Variants in GABRG3 observed in about 807,000 individuals in gnomAD.
The protein encoded by GABRG3 is gamma-aminobutyric acid receptor subunit gamma-3.
In GABRG3, 25 loss-of-function variants were observed where a neutral mutation model predicts 48.8. That is an observed-to-expected ratio of 0.51 (90% CI 0.37 to 0.72). The LOEUF is 0.72. GABRG3 is among the 30% of genes least tolerant of loss of function. GABRG3 has a pLI of 0.00. For missense variants in GABRG3, 394 were observed against 577.9 expected, an observed-to-expected ratio of 0.68 and a Z score of 3.26; for synonymous variants, 227 against 217.6, an observed-to-expected ratio of 1.04 and a Z score of -0.38.
chr15:27,289,487 A>C (rs1213888199), intron 3 of GABRG3, among the ~76,000 whole-genome samples: 1 of 152,230 alleles, frequency 6.6e-6, no homozygotes, highest in East Asian at 1.9e-4. Flanking sequence ...CAAATGAAAC[A>C]ATCTCAGTGA....
chr15:27,286,088 T>C (rs1182081066), intron 3 of GABRG3, among the ~76,000 whole-genome samples: 2 of 152,240 alleles, frequency 1.3e-5, no homozygotes, highest in African/African-American at 4.8e-5. Flanking sequence ...TTATACTTTA[T>C]ACACCAGGCA....
chr15:27,460,280 T>G (rs1481348369), intron 5 of GABRG3, among the ~76,000 whole-genome samples: 1 of 152,196 alleles, frequency 6.6e-6, no homozygotes, highest in Non-Finnish European at 1.5e-5. Context: ...GAGTAAAAAC[T>G]TTCCACTCCT....
At chr15:27,414,562 CA>C (rs1887888811) in intron 5 of GABRG3, among the ~76,000 whole-genome samples, 1 of 152,140 alleles carries the variant, frequency 6.6e-6, no homozygotes, top group African/African-American at 2.4e-5. Flanking sequence ...AAAGGAAATC[CA>C]GGGACTAGGG....
chr15:27,403,941 A>AT (rs1264997845), intron 5 of GABRG3, among the ~76,000 whole-genome samples: 3 of 117,118 alleles, frequency 2.6e-5, no homozygotes, highest in Non-Finnish European at 5.3e-5. Flanking sequence ...AAAAAAAAAA[A>AT]CCGGGCTTGG....
chr15:27,256,268 C>A (rs1470866796), intron 3 of GABRG3, among the ~76,000 whole-genome samples: 9 of 151,718 alleles, frequency 5.9e-5, no homozygotes, highest in Admixed American at 5.9e-4. Context: ...TGGTGAAACC[C>A]GTCTCTACTA....
At position 26,989,816 on chromosome 15, in the gene GABRG3, A is replaced by T. The variant is rs553558910; in HGVS notation, c.202+12666A>T. ...CCCAGCCTCTGATAACCATCCTTCT[A>T]GTCTCTATGTCCATGACTTCAATTG... On this transcript the variant is annotated intron_variant, in intron 2 of 9. Coordinates refer to ENST00000615808, the MANE Select transcript of GABRG3 (RefSeq NM_033223.5). Among the ~76,000 whole-genome samples the T allele has an allele frequency of 2.0e-4, 30 of 152,032 alleles. No individual in the cohort carries two copies. The South Asian group carries it at 5.8e-3, about 29-fold the overall frequency.
intron 3 of GABRG3, among the ~76,000 whole-genome samples, chr15:27,191,289 C>G (rs1888293108): frequency 6.6e-6 from 1 of 152,136 alleles, no homozygotes. Flanking sequence ...TGTTGACTTT[C>G]TGTCTCATTG....
Position 27,489,035 on chromosome 15 carries a change from C to T in GABRG3, c.712+8248C>T, listed in dbSNP as rs149090714. 5.2e-3 allele frequency among the ~76,000 whole-genome samples: 788 copies of T among 151,956 alleles called. 8 individuals are homozygous for T. The highest frequency in any genetic ancestry group is 0.041 in the Middle Eastern group (12 of 294). ...CTAATGCTATCCTCCCCCATCCCCC[C>T]ACCCCCCGACAGGCTCTGGTGTGTG... is the stretch of plus-strand genomic sequence containing the variant. On this transcript the variant is annotated intron_variant, in intron 6 of 9. Coordinates refer to ENST00000615808, the MANE Select transcript of GABRG3 (RefSeq NM_033223.5).
At chr15:27,267,564 C>T (rs1245243824) in intron 3 of GABRG3, among the ~76,000 whole-genome samples, 1 of 152,094 alleles carries the variant, frequency 6.6e-6, no homozygotes, top group East Asian at 1.9e-4. Context: ...ATCAGCCTCC[C>T]AAGCAGCTGA....
rs141327272 is a variant in GABRG3 at position 27,134,445 on chromosome 15, T to A, written c.270+107624T>A. Among the ~76,000 whole-genome samples, 107 of 152,298 alleles carry A rather than the reference T, an allele frequency of 7.0e-4. 2 individuals are homozygous for A. In the Middle Eastern group the frequency reaches 0.024, roughly 34 times the overall value. Reference sequence around the variant, plus strand: ...TTTAGAAACACCCTCCTGTTCAAGATGACCACCATGGTGACTCTCCGCTCT... The same window carrying A: ...TTTAGAAACACCCTCCTGTTCAAGAAGACCACCATGGTGACTCTCCGCTCT... On this transcript the variant is annotated intron_variant, in intron 3 of 9. Transcript: ENST00000615808.
In GABRG3 at chr15:27,540,078, A is replaced by G. The variant is rs1891631569; in HGVS notation, c.*7197A>G. 6.6e-6 allele frequency: 1 copy of G among 152,230 alleles called. No individual in the cohort carries two copies. The highest frequency in any genetic ancestry group is 1.5e-5 in the Non-Finnish European group (1 of 68,052). 9.4% of individuals were successfully genotyped at this position (152,230 alleles called of 1,614,324 possible). ...AACGAAATCAGAACTTACATCGTGG[A>G]AAAAGCGAAAAAGTTTCATTAGAGT... is the stretch of plus-strand genomic sequence containing the variant. On this transcript the variant is annotated 3_prime_UTR_variant, in exon 10 of 10. Transcript: ENST00000615808.
At chr15:27,091,701 T>C (rs1897188266) in intron 3 of GABRG3, among the ~76,000 whole-genome samples, 3 of 152,206 alleles carry the variant, frequency 2.0e-5, no homozygotes, top group Admixed American at 2.0e-4. Flanking sequence ...CATATGTCTT[T>C]CCAGGGAAAC....
chr15:27,057,398 G>A (rs908689637), intron 3 of GABRG3, among the ~76,000 whole-genome samples: 3 of 152,164 alleles, frequency 2.0e-5, no homozygotes, highest in Non-Finnish European at 4.4e-5. Flanking sequence ...CAACACTTAC[G>A]GTGATTTATG....
intron 3 of GABRG3, among the ~76,000 whole-genome samples, chr15:27,168,394 A>G (rs964382659): frequency 6.6e-6 from 1 of 152,164 alleles, no homozygotes; most frequent in African/African-American, 2.4e-5. Flanking sequence ...TGATTAAGCA[A>G]GTTCCCCTGT....
chr15:27,481,600 C>A (rs1448590026), intron 6 of GABRG3, among the ~76,000 whole-genome samples: 1 of 152,150 alleles, frequency 6.6e-6, no homozygotes, highest in East Asian at 1.9e-4. Context: ...TTGTAAATAT[C>A]TTTAAAGCCC....
chr15:27,326,414 G>A (rs1893615319), intron 3 of GABRG3, among the ~76,000 whole-genome samples: 1 of 152,164 alleles, frequency 6.6e-6, no homozygotes, highest in Admixed American at 6.5e-5. Context: ...TTAACACCTT[G>A]AGAAGGTGGA....
intron 5 of GABRG3, among the ~76,000 whole-genome samples, chr15:27,468,457 T>C (rs1432488155): frequency 6.6e-6 from 1 of 152,190 alleles, no homozygotes; most frequent in Non-Finnish European, 1.5e-5. Context: ...AATGAGGTCC[T>C]AGGGGAAACC....
chr15:27,124,659 A>G (rs1433415548), intron 3 of GABRG3, among the ~76,000 whole-genome samples: 3 of 152,094 alleles, frequency 2.0e-5, no homozygotes, highest in Non-Finnish European at 4.4e-5. Context: ...TTGGCTTTAG[A>G]TAACAGCTCT....
At chr15:27,384,108 A>G (rs2140566526) in intron 5 of GABRG3, among the ~76,000 whole-genome samples, 1 of 152,356 alleles carries the variant, frequency 6.6e-6, no homozygotes, top group Middle Eastern at 3.4e-3. Context: ...ATTTTACTCA[A>G]TAGAAATGCA....
Sources: allele counts gnomAD v4.1 joint callset (sites outside exome capture counted in the v4.1 genomes callset), GRCh38; gene constraint gnomAD v4.1.1; transcripts MANE v1.5; gene names NCBI Gene and HGNC (gene_info 2026-07-23, HGNC 2026-07-21).